NT5C2: variants seen among roughly 807,000 people sequenced by gnomAD.
NT5C2 encodes cytosolic purine 5'-nucleotidase.
A neutral mutation model predicts 76.1 loss-of-function variants in NT5C2; 58 were observed. The observed-to-expected ratio is 0.76, with a 90% CI of 0.62 to 0.95. The LOEUF (loss-of-function observed/expected upper bound fraction) is 0.95. NT5C2 is among the 40% of genes least tolerant of loss of function. NT5C2 has a pLI of 0.00. For missense variants in NT5C2, 478 were observed against 690.3 expected, an observed-to-expected ratio of 0.69 and a Z score of 3.45; for synonymous variants, 229 against 237.4, an observed-to-expected ratio of 0.96 and a Z score of 0.32.
At chr10:103,093,654 A>T in intron 14 of NT5C2, 1 of 391,514 alleles carries the variant, frequency 2.6e-6, no homozygotes. Context: ...ATGTACCTAT[A>T]CCCATGGAAC....
intron 4 of NT5C2, among the ~76,000 whole-genome samples, chr10:103,136,324 G>C (rs990231098): frequency 1.6e-4 from 25 of 152,222 alleles, no homozygotes; most frequent in Admixed American, 6.5e-5. Flanking sequence ...TGATGTCTCA[G>C]AGTCATATGT....
intron 4 of NT5C2, chr10:103,125,455 C>A (rs2076489430): frequency 7.8e-6 from 2 of 255,416 alleles, no homozygotes; most frequent in African/African-American, 2.3e-5. Context: ...AAAAAAAAAT[C>A]ACTTCTTACA....
intron 8 of NT5C2, 78 bp downstream of exon 8, chr10:103,100,967 A>T: frequency 1.2e-6 from 1 of 856,440 alleles, no homozygotes; most frequent in Non-Finnish European, 2.0e-6. Flanking sequence ...GAAAAGACCT[A>T]CAATGGCCAG....
chr10:103,131,795 A>G (rs867847567), intron 4 of NT5C2, among the ~76,000 whole-genome samples: 9 of 152,176 alleles, frequency 5.9e-5, no homozygotes, highest in Middle Eastern at 3.4e-3. Flanking sequence ...GGTGGCTTGC[A>G]CCTGTATCTC....
At chr10:103,112,089 A>G (rs1405227668) in intron 4 of NT5C2, among the ~76,000 whole-genome samples, 2 of 152,236 alleles carry the variant, frequency 1.3e-5, no homozygotes, top group Non-Finnish European at 2.9e-5. Context: ...TAAAATGTTA[A>G]GTCGAAAGAC....
At chr10:103,120,856 C>A (rs184408483) in intron 4 of NT5C2, among the ~76,000 whole-genome samples, 1 of 152,298 alleles carries the variant, frequency 6.6e-6, no homozygotes, top group East Asian at 1.9e-4. Context: ...CCAATGTTCA[C>A]AGCAGCCTAT....
intron 8 of NT5C2, chr10:103,100,702 T>C (rs2069374551): frequency 1.0e-5 from 5 of 500,908 alleles, no homozygotes; most frequent in South Asian, 4.6e-5. Flanking sequence ...GTGAAATGAG[T>C]TGGGGGGTTT....
At chr10:103,128,675 G>C (rs1235475389) in intron 4 of NT5C2, among the ~76,000 whole-genome samples, 2 of 39,860 alleles carry the variant, frequency 5.0e-5, no homozygotes, top group African/African-American at 2.0e-4. Flanking sequence ...GTCTCTGCCC[G>C]GCCGCCCATC....
At chr10:103,100,111 T>C in intron 8 of NT5C2, 92 bp from the exon 9 acceptor site, 1 of 768,510 alleles carries the variant, frequency 1.3e-6, no homozygotes, top group Non-Finnish European at 2.2e-6. Flanking sequence ...AAAGGTTCCA[T>C]ATCACATGGG....
In NT5C2 at chr10:103,097,129, G is replaced by A. The variant is rs988263694; in HGVS notation, c.771+162C>T. 2.6e-5 allele frequency among the ~76,000 whole-genome samples: 4 copies of A among 152,144 alleles called. 1 individual carries two copies. The highest frequency in any genetic ancestry group is 1.3e-4 in the Admixed American group (2 of 15,280). On this transcript the variant is annotated intron_variant, in intron 11 of 18. Transcript: ENST00000404739. ...AAAATAAATTTCTAGAAAAATTTGA[G>A]AACCACTGTTATCCTGTATATTTTT... is the stretch of plus-strand genomic sequence containing the variant.
At chr10:103,123,470 C>T (rs1468320740) in intron 4 of NT5C2, among the ~76,000 whole-genome samples, 1 of 152,146 alleles carries the variant, frequency 6.6e-6, no homozygotes, top group East Asian at 1.9e-4. Flanking sequence ...GGCTCACAGC[C>T]TCCCAAAGCA....
chr10:103,150,359 A>G (rs990927342), intron 3 of NT5C2, among the ~76,000 whole-genome samples: 1 of 152,170 alleles, frequency 6.6e-6, no homozygotes, highest in African/African-American at 2.4e-5. Context: ...TGCTGCATAT[A>G]TGATTAGTTC....
At chr10:103,186,864 C>CA (rs1251176340) in intron 1 of NT5C2, among the ~76,000 whole-genome samples, 1 of 142,892 alleles carries the variant, frequency 7.0e-6, no homozygotes, top group Non-Finnish European at 1.5e-5. Context: ...AGTGAGCTGA[C>CA]ATGGAGCCAC....
chr10:103,093,574 C>T (rs1183197618), intron 14 of NT5C2, among the ~76,000 whole-genome samples: 2 of 152,158 alleles, frequency 1.3e-5, no homozygotes. Context: ...TTCAAAACAG[C>T]CACTGCCAAT....
At chr10:103,114,410 A>AAAAT (rs1053183138) in intron 4 of NT5C2, among the ~76,000 whole-genome samples, 1 of 152,120 alleles carries the variant, frequency 6.6e-6, no homozygotes, top group Non-Finnish European at 1.5e-5. Flanking sequence ...CTCTGTCTCA[A>AAAAT]AAATAAATAA....
chr10:103,155,767 A>G (rs546203603), intron 3 of NT5C2, among the ~76,000 whole-genome samples: 17 of 152,310 alleles, frequency 1.1e-4, no homozygotes, highest in African/African-American at 4.1e-4. Flanking sequence ...AAGTGGACAG[A>G]AAAAGATCAG....
chr10:103,115,096 T>C (rs562449200), intron 4 of NT5C2, among the ~76,000 whole-genome samples: 1 of 152,330 alleles, frequency 6.6e-6, no homozygotes, highest in African/African-American at 2.4e-5. Flanking sequence ...AAAACAAGTT[T>C]AGTCATGTTG....
chr10:103,191,395 AAAAG>A (rs202066249), intron 1 of NT5C2, among the ~76,000 whole-genome samples: 3,335 of 135,120 alleles, frequency 0.025, 77 homozygotes, highest in South Asian at 0.11. Context: ...AAAAAAAAAA[AAAAG>A]AGAGAGAGAG....
At chr10:103,189,976 C>A (rs2092492539) in intron 1 of NT5C2, among the ~76,000 whole-genome samples, 1 of 149,662 alleles carries the variant, frequency 6.7e-6, no homozygotes, top group Admixed American at 6.7e-5. Flanking sequence ...GGCCGGTTTG[C>A]CGCATTAATT....
Sources: gnomAD v4.1 joint callset for allele counts (sites outside exome capture counted in the v4.1 genomes callset) on GRCh38, gnomAD v4.1.1 for gene constraint, MANE v1.5 for transcripts, NCBI Gene and HGNC (gene_info 2026-07-23, HGNC 2026-07-21) for gene names.